The following TRMT13 variants were observed in gnomAD, a reference collection of about 807,000 sequenced individuals.
TRMT13 encodes the protein tRNA methyltransferase 13.
TRMT13 carries 45 observed loss-of-function variants against 55.9 expected under a neutral mutation model. That is an observed-to-expected ratio of 0.80 (90% CI 0.63 to 1.03). TRMT13 has a LOEUF of 1.03. Among genes scored for constraint, TRMT13 ranks in the 50% least tolerant of loss-of-function variants. The probability of loss-of-function intolerance (pLI) is 0.00; values close to 1 mark genes in which losing one functional copy is unlikely to be tolerated. For missense variants in TRMT13, 513 were observed against 563.9 expected, an observed-to-expected ratio of 0.91 and a Z score of 0.91; for synonymous variants, 183 against 196.3, an observed-to-expected ratio of 0.93 and a Z score of 0.57.
At position 100,133,243 on chromosome 1, in the gene TRMT13, G is replaced by A. The variant is rs1655265775; in HGVS notation, c.75G>A (p.Lys25=). 3 of 1,614,162 alleles carry A rather than the reference G, an allele frequency of 1.9e-6. No homozygotes were observed. The highest frequency in any genetic ancestry group is 2.5e-6 in the Non-Finnish European group (3 of 1,180,010). Residue 25 remains lysine, a synonymous_variant, in exon 1 of 11, where the codon AAG becomes AAA. Transcript: ENST00000370141. Reference sequence around the variant, plus strand: ...GTAGATGCGGTTACTATGTGGAAAAGAAGAAACGGTTCTGCAGGATGGTGG... The same window carrying A: ...GTAGATGCGGTTACTATGTGGAAAAAAAGAAACGGTTCTGCAGGATGGTGG... ...AEGRCGYYVE[K]KKRFCRMVVA...
intron 9 of TRMT13, among the ~76,000 whole-genome samples, chr1:100,147,463 C>A (rs180845123): frequency 1.3e-5 from 2 of 152,328 alleles, no homozygotes; most frequent in Admixed American, 1.3e-4. Context: ...CTAGCATCAA[C>A]CTAAACAGAT....
Position 100,148,009 on chromosome 1 carries a change from G to A in TRMT13, c.933G>A (p.Leu311=). 1 of 1,614,072 alleles carries A rather than the reference G, an allele frequency of 6.2e-7. No individual in the cohort carries two copies. Among genetic ancestry groups the A allele is most frequent in the Non-Finnish European group, 8.5e-7 (1 of 1,180,006 alleles). Residue 311 remains leucine, a synonymous_variant, in exon 10 of 11, where the codon TTG becomes TTA. Transcript: ENST00000370141. ...AAACAGAAAAAGAAATTTACACTTT[G>A]GCCAAGGAAGGAAATGAAAAAAATG... ...NDKTEKEIYT[L]AKEGNEKNVP... is the part of the protein sequence containing the mutation.
intron 1 of TRMT13, among the ~76,000 whole-genome samples, chr1:100,134,364 A>G (rs1384980058): frequency 1.3e-5 from 2 of 152,188 alleles, no homozygotes; most frequent in African/African-American, 2.4e-5. Flanking sequence ...AATAAACCAA[A>G]GCGATCAGCA....
chr1:100,139,328 A>C (rs1656301994), intron 3 of TRMT13, among the ~76,000 whole-genome samples: 1 of 152,226 alleles, frequency 6.6e-6, no homozygotes, highest in Non-Finnish European at 1.5e-5. Context: ...TCAACAGTCT[A>C]GGCTGTAGAA....
chr1:100,133,816 C>A (rs1306455075), intron 1 of TRMT13, among the ~76,000 whole-genome samples: 1 of 152,114 alleles, frequency 6.6e-6, no homozygotes. Context: ...GAGGCCGAGG[C>A]GGGCGGATCA....
In TRMT13 at chr1:100,148,792, A is replaced by G. The variant is rs775888909; in HGVS notation, c.1418A>G (p.His473Arg). Reference protein sequence around the residue: ...ENVLLTALPNHSSSPETTA With the variant: ...ENVLLTALPNRSSSPETTA ...GTTTTGTTAACTGCTTTACCAAATC[A>G]TTCTTCATCACCAGAAACAACTGCT... is the stretch of plus-strand genomic sequence containing the variant. Residue 473 changes from histidine (H) to arginine (R), a missense_variant, in exon 11 of 11, where the codon CAT becomes CGT. Coordinates refer to ENST00000370141, the MANE Select transcript of TRMT13 (RefSeq NM_019083.3). The G allele has an allele frequency of 1.3e-6, 2 of 1,522,510 alleles. No individual in the cohort carries two copies. The highest frequency in any genetic ancestry group is 8.8e-7 in the Non-Finnish European group (1 of 1,137,726). The allele number at this position is 1,522,510 out of a possible 1,614,324, so 94.3% of individuals were successfully genotyped here. A position where few individuals can be genotyped will look rare whatever the true frequency, so the allele number is the denominator to read the frequency against.
At position 100,148,934 on chromosome 1, in the gene TRMT13, G is replaced by A. The variant is rs1570755104; in HGVS notation, c.*114G>A. 7.7e-6 allele frequency: 9 copies of A among 1,174,192 alleles called. No individual in the cohort carries two copies. In the East Asian group the frequency reaches 2.5e-4, roughly 32 times the overall value. 72.7% of individuals were successfully genotyped at this position (1,174,192 alleles called of 1,614,324 possible). A position where few individuals can be genotyped will look rare whatever the true frequency, so the allele number is the denominator to read the frequency against. ...GCAAATAATATGAACTTTAAAAAATGCTGTGGCCTCATTAAACTTTGGTAA... is the reference window on the plus strand; with the variant it reads ...GCAAATAATATGAACTTTAAAAAATACTGTGGCCTCATTAAACTTTGGTAA... On this transcript the variant is annotated 3_prime_UTR_variant, in exon 11 of 11. Coordinates refer to ENST00000370141, the MANE Select transcript of TRMT13 (RefSeq NM_019083.3).
Position 100,133,251 on chromosome 1 carries a change from G to A in TRMT13, c.83G>A (p.Arg28Gln), listed in dbSNP as rs1469411050. 11 of 1,613,996 alleles carry A rather than the reference G, an allele frequency of 6.8e-6. No individual in the cohort carries two copies. Among genetic ancestry groups the A allele is most frequent in the Non-Finnish European group, 9.3e-6 (11 of 1,179,990 alleles). The change falls in exon 1 of 11, where the codon CGG becomes CAG. Residue 28 changes from arginine to glutamine, a missense_variant. Arg to Gln is a conservative substitution (Grantham distance 43, BLOSUM62 1). Around this residue, in one of 3 missense-constraint regions of TRMT13, gnomAD observed 298 missense variants for 290.3 expected, o/e 1.03. Transcript: ENST00000370141. ...GGTTACTATGTGGAAAAGAAGAAAC[G>A]GTTCTGCAGGATGGTGGTGGCCGCA... ...RCGYYVEKKK[R>Q]FCRMVVAAGK...
At chr1:100,142,559 GTTCTTTCCTGAGATAAGGAA>G (rs1050430097) in intron 7 of TRMT13, among the ~76,000 whole-genome samples, 2 of 152,154 alleles carry the variant, frequency 1.3e-5, no homozygotes, top group Admixed American at 1.3e-4. Context: ...ACTAAGTGGT[GTTCTTTCCTGAGATAAGGAA>G]TGAAGGAGGC....
Position 100,140,449 on chromosome 1 carries a change from G to A in TRMT13, c.436G>A (p.Ala146Thr), listed in dbSNP as rs1400393510. 6.2e-7 allele frequency: 1 copy of A among 1,613,988 alleles called. No individual in the cohort carries two copies. Among genetic ancestry groups the A allele is most frequent in the Admixed American group, 1.7e-5 (1 of 60,014 alleles). ...TAAAGATCATATTATGTCCCATCCA[G>A]CATTACACGATGCACTTAATGACCC... is the stretch of plus-strand genomic sequence containing the variant. Reference protein sequence around the residue: ...TLKDHIMSHPALHDALNDPKN... With the variant: ...TLKDHIMSHPTLHDALNDPKN... Residue 146 changes from alanine (A) to threonine (T), a missense_variant, in exon 6 of 11, where the codon GCA becomes ACA. By Grantham distance (58) the Ala-to-Thr change is moderately conservative. Coordinates refer to ENST00000370141, the MANE Select transcript of TRMT13 (RefSeq NM_019083.3).
rs144060402 is a variant in TRMT13 at position 100,148,412 on chromosome 1, T to A, written c.1250+86T>A. 5.2e-4 allele frequency: 687 copies of A among 1,330,184 alleles called. 8 individuals carry two copies. The East Asian group carries it at 0.013, about 26-fold the overall frequency. 82.4% of individuals were successfully genotyped at this position (1,330,184 alleles called of 1,614,324 possible). ...TTAGATGACTATTATCAACAATTCA[T>A]GAAAATGTATTTTATAATCTAATTT... On this transcript the variant is annotated intron_variant, in intron 10 of 10. Coordinates refer to ENST00000370141, the MANE Select transcript of TRMT13 (RefSeq NM_019083.3).
intron 4 of TRMT13, 45 bp downstream of exon 4, chr1:100,139,756 G>C: frequency 8.2e-7 from 1 of 1,217,270 alleles, no homozygotes; most frequent in Non-Finnish European, 1.2e-6. Context: ...ATATTTATAA[G>C]CTCTCTTCAT....
At position 100,133,388 on chromosome 1, in the gene TRMT13, C is replaced by T. The variant is rs1027934507; in HGVS notation, c.147+73C>T. On this transcript the variant is annotated intron_variant, in intron 1 of 10. Transcript: ENST00000370141. Reference sequence around the variant, plus strand: ...TCCTGTCGGTGCTGGAACCCGGCCCCTCCCCTCTTTGACAGCTTTCTGCTT... The same window carrying T: ...TCCTGTCGGTGCTGGAACCCGGCCCTTCCCCTCTTTGACAGCTTTCTGCTT... The T allele has an allele frequency of 6.6e-6, 10 of 1,512,584 alleles. No individual in the cohort carries two copies. The Admixed American group carries it at 1.9e-4, about 29-fold the overall frequency. The allele number at this position is 1,512,584 out of a possible 1,614,324, so 93.7% of individuals were successfully genotyped here.
At chr1:100,141,662 C>G (rs886510982) in intron 7 of TRMT13, among the ~76,000 whole-genome samples, 1 of 152,066 alleles carries the variant, frequency 6.6e-6, no homozygotes, top group Non-Finnish European at 1.5e-5. Flanking sequence ...AAAAGAGACC[C>G]AGGCAAATAC....
At chr1:100,133,946 C>T (rs1391875911) in intron 1 of TRMT13, among the ~76,000 whole-genome samples, 3 of 152,004 alleles carry the variant, frequency 2.0e-5, no homozygotes, top group Non-Finnish European at 4.4e-5. Context: ...GTGGTGCGAG[C>T]CTGTAACCCC....
chr1:100,141,868 A>G (rs917131211), intron 7 of TRMT13, among the ~76,000 whole-genome samples: 5 of 152,220 alleles, frequency 3.3e-5, no homozygotes, highest in Admixed American at 3.3e-4. Flanking sequence ...CTAGGAAGCA[A>G]GAACAGTGTA....
rs747589161 is a variant in TRMT13, at chr1:100,133,329, C to T, written c.147+14C>T. 33 of 1,613,104 alleles carry T rather than the reference C, an allele frequency of 2.0e-5. No individual in the cohort carries two copies. Among genetic ancestry groups the T allele is most frequent in the South Asian group, 8.8e-5 (8 of 90,974 alleles). On this transcript the variant is annotated intron_variant, in intron 1 of 10. Coordinates refer to ENST00000370141, the MANE Select transcript of TRMT13 (RefSeq NM_019083.3). ...GGAGCCGCGGAGGTGTGGTATCGCC[C>T]TACTCTCTCAAGAGTCGGAAATAAG...
At chr1:100,147,855 A>T in intron 9 of TRMT13, 39 bp from the exon 10 acceptor site, 1 of 1,524,528 alleles carries the variant, frequency 6.6e-7, no homozygotes, top group South Asian at 1.3e-5. Flanking sequence ...ATTTTTAAAG[A>T]TGATGTGGTT....
At chr1:100,142,288 T>A (rs867938819) in intron 7 of TRMT13, among the ~76,000 whole-genome samples, 1 of 152,094 alleles carries the variant, frequency 6.6e-6, no homozygotes, top group African/African-American at 2.4e-5. Context: ...AGAAGGAAAT[T>A]TTTCAAAGTT....
Sources: gnomAD v4.1 joint callset for allele counts (sites outside exome capture counted in the v4.1 genomes callset) on GRCh38, gnomAD v4.1.1 for gene constraint, gnomAD v4.1.1 regional missense constraint, MANE v1.5 for transcripts, NCBI Gene and HGNC (gene_info 2026-07-23, HGNC 2026-07-21) for gene names.